The following PTPRN2 variants were observed in gnomAD, a reference collection of about 807,000 sequenced individuals.
The protein encoded by PTPRN2 is receptor-type tyrosine-protein phosphatase N2.
A neutral mutation model predicts 118.8 loss-of-function variants in PTPRN2; 74 were observed. The observed-to-expected ratio is 0.62, with a 90% CI of 0.52 to 0.76. PTPRN2 has a LOEUF of 0.76. Among genes scored for constraint, PTPRN2 ranks in the 30% least tolerant of loss-of-function variants. PTPRN2 has a pLI of 0.00. For synonymous variants in PTPRN2, 641 were observed against 608.0 expected, an observed-to-expected ratio of 1.05 and a Z score of -0.80; for missense variants, 1,481 against 1,394.4, an observed-to-expected ratio of 1.06 and a Z score of -0.99.
chr7:158,105,973 G>T (rs916374531), intron 10 of PTPRN2, among the ~76,000 whole-genome samples: 1 of 150,566 alleles, frequency 6.6e-6, no homozygotes, highest in African/African-American at 2.4e-5. Context: ...GCTCCATCCA[G>T]TTCCATCCCC....
chr7:158,358,598 T>C (rs1808575341), intron 2 of PTPRN2, among the ~76,000 whole-genome samples: 1 of 152,182 alleles, frequency 6.6e-6, no homozygotes, highest in Non-Finnish European at 1.5e-5. Flanking sequence ...ACGTGGTCTA[T>C]TTACACGACA....
intron 11 of PTPRN2, among the ~76,000 whole-genome samples, chr7:157,926,126 C>T (rs74216696): frequency 1.5e-4 from 4 of 26,520 alleles, no homozygotes; most frequent in Non-Finnish European, 3.0e-4. Flanking sequence ...ACCACAGCCA[C>T]AGGAAGCTGA....
chr7:158,370,634 C>T (rs1464151860), intron 2 of PTPRN2, among the ~76,000 whole-genome samples: 3 of 152,080 alleles, frequency 2.0e-5, no homozygotes, highest in South Asian at 4.2e-4. Context: ...CACCTGTAGT[C>T]CCAGCTACTC....
chr7:157,837,807 C>T (rs140634350), intron 12 of PTPRN2, among the ~76,000 whole-genome samples: 24 of 152,360 alleles, frequency 1.6e-4, no homozygotes, highest in Admixed American at 8.5e-4. Flanking sequence ...CTGTTAGACA[C>T]GGAGCCTTGG....
At chr7:158,313,115 T>C (rs910042097) in intron 3 of PTPRN2, among the ~76,000 whole-genome samples, 1 of 152,092 alleles carries the variant, frequency 6.6e-6, no homozygotes, top group African/African-American at 2.4e-5. Context: ...CAAGTGTGTG[T>C]GCAAATGTGT....
At chr7:157,715,917 C>T (rs927213153) in intron 12 of PTPRN2, among the ~76,000 whole-genome samples, 8 of 152,310 alleles carry the variant, frequency 5.3e-5, no homozygotes, top group Admixed American at 2.6e-4. Flanking sequence ...AGCAGGGCAG[C>T]GGGCGGCCTG....
chr7:158,143,411 C>G (rs1819573803), intron 6 of PTPRN2, among the ~76,000 whole-genome samples: 1 of 152,214 alleles, frequency 6.6e-6, no homozygotes. Flanking sequence ...CTGTCCCCAG[C>G]AGTCGGCGTC....
At chr7:158,238,120 G>A (rs1023547805) in intron 3 of PTPRN2, among the ~76,000 whole-genome samples, 16 of 152,126 alleles carry the variant, frequency 1.1e-4, no homozygotes, top group Non-Finnish European at 8.8e-5. Flanking sequence ...CTCTCGGGGC[G>A]GCTAAGTCGC....
At position 158,509,405 on chromosome 7, in the gene PTPRN2, G is replaced by C. The variant is rs1823016164; in HGVS notation, c.113-19620C>G. Among the ~76,000 whole-genome samples the C allele has an allele frequency of 6.6e-6, 1 of 152,162 alleles. No homozygotes were observed. Among genetic ancestry groups the C allele is most frequent in the Non-Finnish European group, 1.5e-5 (1 of 68,026 alleles). On this transcript the variant is annotated intron_variant, in intron 1 of 22. Coordinates refer to ENST00000389418, the MANE Select transcript of PTPRN2 (RefSeq NM_002847.5). The surrounding 1 kb of genome is among the most constrained non-coding windows in gnomAD (Gnocchi z 4.4). ...GCTGTCTCAGGCAGCACATCTAAAG[G>C]CCTCTCCAAGCCATGCACCCACCCT...
chr7:158,377,861 C>A (rs1026005713), intron 2 of PTPRN2, among the ~76,000 whole-genome samples: 1 of 152,178 alleles, frequency 6.6e-6, no homozygotes, highest in Non-Finnish European at 1.5e-5. Context: ...AAGCCTCCCC[C>A]ACAGTCCACA....
intron 12 of PTPRN2, among the ~76,000 whole-genome samples, chr7:157,789,159 C>T (rs1291238292): frequency 6.6e-6 from 1 of 152,200 alleles, no homozygotes; most frequent in Non-Finnish European, 1.5e-5. Context: ...GCGGGCTGGT[C>T]CTCTTTGGTG....
intron 3 of PTPRN2, among the ~76,000 whole-genome samples, chr7:158,258,576 C>T (rs1349077917): frequency 1.3e-5 from 2 of 152,216 alleles, no homozygotes; most frequent in East Asian, 3.9e-4. Context: ...CAGATACCAC[C>T]TCTGTGGAAG....
At chr7:157,731,294 G>C (rs1033814766) in intron 12 of PTPRN2, among the ~76,000 whole-genome samples, 1 of 152,178 alleles carries the variant, frequency 6.6e-6, no homozygotes, top group Non-Finnish European at 1.5e-5. Context: ...AGAAAGCCCT[G>C]TTACAGCCTA....
At chr7:158,368,755 G>A (rs138305604) in intron 2 of PTPRN2, among the ~76,000 whole-genome samples, 495 of 152,236 alleles carry the variant, frequency 3.3e-3, no homozygotes, top group Non-Finnish European at 5.6e-3. Context: ...CACCATCCTC[G>A]ACCCCCCAAG....
chr7:158,412,844 T>C (rs1291869521), intron 2 of PTPRN2, among the ~76,000 whole-genome samples: 71 of 63,696 alleles, frequency 1.1e-3, no homozygotes, highest in South Asian at 2.6e-3. Context: ...GCCCATCCAG[T>C]GCCCTCCTCA....
chr7:157,756,996 T>G (rs1801820396), intron 12 of PTPRN2, among the ~76,000 whole-genome samples: 1 of 152,108 alleles, frequency 6.6e-6, no homozygotes, highest in African/African-American at 2.4e-5. Flanking sequence ...CGGGCCGAAG[T>G]CAGGGATGTG....
intron 11 of PTPRN2, among the ~76,000 whole-genome samples, chr7:158,023,322 G>A (rs191992345): frequency 6.6e-6 from 1 of 152,134 alleles, no homozygotes; most frequent in East Asian, 1.9e-4. Context: ...GTGAGTCTCT[G>A]CTCTCTCAGT....
Position 158,509,184 on chromosome 7 carries a change from C to T in PTPRN2, c.113-19399G>A, listed in dbSNP as rs1193947494. On this transcript the variant is annotated intron_variant, in intron 1 of 22. Coordinates refer to ENST00000389418, the MANE Select transcript of PTPRN2 (RefSeq NM_002847.5). The surrounding 1 kb of genome is among the most constrained non-coding windows in gnomAD (Gnocchi z 4.4). Reference sequence around the variant, plus strand: ...ACACAGCCTCCACGCAGCCTCCACCCAGCAGGCGGGACCAGTGGACAGGCT... The same window carrying T: ...ACACAGCCTCCACGCAGCCTCCACCTAGCAGGCGGGACCAGTGGACAGGCT... Among the ~76,000 whole-genome samples, 1 of 152,148 alleles carries T rather than the reference C, an allele frequency of 6.6e-6. No individual in the cohort carries two copies. The highest frequency in any genetic ancestry group is 2.4e-5 in the African/African-American group (1 of 41,422).
At chr7:158,217,907 A>G (rs1201806933) in intron 3 of PTPRN2, among the ~76,000 whole-genome samples, 1 of 152,226 alleles carries the variant, frequency 6.6e-6, no homozygotes, top group Non-Finnish European at 1.5e-5. Context: ...AAAGAGTGTT[A>G]AAAAATGAAT....
Sources: gnomAD v4.1 joint callset for allele counts (sites outside exome capture counted in the v4.1 genomes callset) on GRCh38, gnomAD v4.1.1 for gene constraint, Gnocchi (gnomAD v3.1) non-coding constraint, MANE v1.5 for transcripts, NCBI Gene and HGNC (gene_info 2026-07-23, HGNC 2026-07-21) for gene names.